The following JRK variants were observed in gnomAD, a reference collection of about 807,000 sequenced individuals.
The protein encoded by JRK is jerky protein homolog.
For synonymous variants in JRK, 303 were observed against 218.1 expected, an observed-to-expected ratio of 1.39 and a Z score of -3.43; for missense variants, 720 against 509.2, an observed-to-expected ratio of 1.41 and a Z score of -3.98.
intron 1 of JRK, among the ~76,000 whole-genome samples, chr8:142,667,089 G>A (rs987201638): frequency 6.6e-5 from 10 of 152,204 alleles, no homozygotes; most frequent in African/African-American, 2.2e-4. Flanking sequence ...GACACAGAGC[G>A]CCAAACTGCC....
chr8:142,669,212 TG>T lies in JRK; in HGVS notation c.-463+719del, dbSNP rs376799910. 3.1e-3 allele frequency among the ~76,000 whole-genome samples: 299 copies of T among 97,158 alleles called. 1 individual carries two copies. Among genetic ancestry groups the T allele is most frequent in the African/African-American group, 0.012 (289 of 24,066 alleles). The allele number at this position is 97,158 out of a possible 152,430, so 63.7% of individuals were successfully genotyped here. ...TGTGTGTGTGTGTGCGTGTGTGTGT[TG>T]GGGGGTATGGAGGATATGAAGGAGA... On this transcript the variant is annotated intron_variant, in intron 1 of 1. Coordinates refer to ENST00000612905, the MANE Select transcript of JRK (RefSeq NM_003724.4).
intron 1 of JRK, 85 bp from the exon 2 acceptor site, chr8:142,666,605 A>C: frequency 5.3e-6 from 1 of 189,896 alleles, no homozygotes; most frequent in South Asian, 1.1e-4. Flanking sequence ...TCACCGGGAC[A>C]CTCCAGCTGA....
At chr8:142,654,930 A>G (rs1380703844), downstream of JRK, among the ~76,000 whole-genome samples, 1 of 151,924 alleles carries the variant, frequency 6.6e-6, no homozygotes, top group Non-Finnish European at 1.5e-5. Context: ...TCAGCTGCGG[A>G]AGCTCCTTGC....
chr8:142,656,273 C>T (rs1846749619), downstream of JRK, among the ~76,000 whole-genome samples: 1 of 152,234 alleles, frequency 6.6e-6, no homozygotes, highest in Non-Finnish European at 1.5e-5. Flanking sequence ...ACCAGCTAGA[C>T]TATTTTAGTG....
the JRK span, among the ~76,000 whole-genome samples, chr8:142,649,971 G>A: frequency 1.3e-5 from 2 of 152,252 alleles, no homozygotes; most frequent in Non-Finnish European, 2.9e-5. Flanking sequence ...AAGCAGCCAG[G>A]AGGAAAGCTG....
At position 142,665,000 on chromosome 8, in the gene JRK, G is replaced by A. The variant is rs1554635465; in HGVS notation, c.1059C>T (p.Pro353=). 1 of 719,034 alleles carries A rather than the reference G, an allele frequency of 1.4e-6. No homozygotes were observed. The highest frequency in any genetic ancestry group is 2.6e-6 in the Non-Finnish European group (1 of 386,022). The allele number at this position is 719,034 out of a possible 1,614,324, so 44.5% of individuals were successfully genotyped here. Residue 353 remains proline, a synonymous_variant, in exon 2 of 2, where the codon CCC becomes CCT. Coordinates refer to ENST00000612905, the MANE Select transcript of JRK (RefSeq NM_003724.4). ...FINPPVPLQG[P]HARYNMNDAI... ...CATCGTTCATGTTGTAGCGGGCGTG[G>A]GGGCCCTGCAGGGGGACCGGAGGGT...
Position 142,658,842 on chromosome 8 carries a change from A to T in JRK, c.*5510T>A, listed in dbSNP as rs781784665. On this transcript the variant is annotated 3_prime_UTR_variant, in exon 2 of 2. Transcript: ENST00000612905. Reference sequence around the variant, plus strand: ...CTTACCCAGCACTGCCATGTGGCAGAAGTTCTCCAACATTATGTCTCTGTA... The same window carrying T: ...CTTACCCAGCACTGCCATGTGGCAGTAGTTCTCCAACATTATGTCTCTGTA... The T allele has an allele frequency of 1.7e-5, 27 of 1,611,314 alleles. No homozygotes were observed. Among genetic ancestry groups the T allele is most frequent in the Non-Finnish European group, 2.2e-5 (26 of 1,178,784 alleles).
the JRK span, among the ~76,000 whole-genome samples, chr8:142,649,744 T>A: frequency 6.6e-6 from 1 of 151,344 alleles, no homozygotes; most frequent in Non-Finnish European, 1.5e-5. Context: ...CAGGAAGAAG[T>A]TTGCTGCAGG....
At chr8:142,644,873 T>C in the JRK span, among the ~76,000 whole-genome samples, 2 of 152,228 alleles carry the variant, frequency 1.3e-5, no homozygotes, top group African/African-American at 4.8e-5. Context: ...TTTATAGCCT[T>C]AATTTATTAA....
Position 142,662,208 on chromosome 8 carries a change from G to A in JRK, c.*2144C>T, listed in dbSNP as rs587662159. 9.1e-6 allele frequency: 9 copies of A among 985,450 alleles called. No homozygotes were observed. The highest frequency in any genetic ancestry group is 3.5e-5 in the African/African-American group (2 of 57,242). The allele number at this position is 985,450 out of a possible 1,614,324, so 61.0% of individuals were successfully genotyped here. Reference sequence around the variant, plus strand: ...GTCAGCACAAGAGCAGATCAAGAACGGGAAGAGCTCAGGTCCTGAAGAGCT... The same window carrying A: ...GTCAGCACAAGAGCAGATCAAGAACAGGAAGAGCTCAGGTCCTGAAGAGCT... On this transcript the variant is annotated 3_prime_UTR_variant, in exon 2 of 2. Coordinates refer to ENST00000612905, the MANE Select transcript of JRK (RefSeq NM_003724.4).
Position 142,668,524 on chromosome 8 carries a change from T to C in JRK, c.-463+1408A>G, listed in dbSNP as rs1847202521. ...GGCCACAAACCACCCTCCAGATTTTTAATATGAACCCGCTGTAGAAAAACT... is the reference window on the plus strand; with the variant it reads ...GGCCACAAACCACCCTCCAGATTTTCAATATGAACCCGCTGTAGAAAAACT... On this transcript the variant is annotated intron_variant, in intron 1 of 1. Transcript: ENST00000612905. 3.3e-5 allele frequency among the ~76,000 whole-genome samples: 5 copies of C among 151,844 alleles called. No individual in the cohort carries two copies. In the South Asian group the frequency reaches 8.3e-4, roughly 25 times the overall value.
At position 142,658,982 on chromosome 8, in the gene JRK, T is replaced by G; in HGVS notation, c.*5370A>C. On this transcript the variant is annotated 3_prime_UTR_variant, in exon 2 of 2. Transcript: ENST00000612905. The stretch of plus-strand genomic sequence containing the variant: ...AACTTTGCTGCTTCATGGAGGAGCG[T>G]CAGTATGTCCACACCATAGGGGTGT... 6 of 1,600,542 alleles carry G rather than the reference T, an allele frequency of 3.7e-6. No individual in the cohort carries two copies. Among genetic ancestry groups the G allele is most frequent in the Non-Finnish European group, 5.1e-6 (6 of 1,173,260 alleles).
rs59300327 is a variant in JRK, at chr8:142,669,163, A to AGTGTGTGTGTGT, written c.-463+757_-463+768dup. 2.1e-3 allele frequency among the ~76,000 whole-genome samples: 281 copies of AGTGTGTGTGTGT among 136,200 alleles called. 5 individuals are homozygous for AGTGTGTGTGTGT. The East Asian group carries it at 0.039, about 19-fold the overall frequency. The allele number at this position is 136,200 out of a possible 152,430, so 89.4% of individuals were successfully genotyped here. A position where few individuals can be genotyped will look rare whatever the true frequency, so the allele number is the denominator to read the frequency against. ...CGGGAAACAACCTTCGCAGGGGCAT[A>AGTGTGTGTGTGT]GTGTGTGTGTGTGTGTGTGTGTGTG... On this transcript the variant is annotated intron_variant, in intron 1 of 1. Transcript: ENST00000612905.
At chr8:142,650,607 G>C in the JRK span, among the ~76,000 whole-genome samples, 1 of 152,150 alleles carries the variant, frequency 6.6e-6, no homozygotes, top group Admixed American at 6.5e-5. Context: ...AACTCTCTTT[G>C]CCTGCTGCCA....
At position 142,663,707 on chromosome 8, in the gene JRK, G is replaced by A. The variant is rs1227935404; in HGVS notation, c.*645C>T. 2 of 985,476 alleles carry A rather than the reference G, an allele frequency of 2.0e-6. No homozygotes were observed. The highest frequency in any genetic ancestry group is 2.3e-4 in the East Asian group (2 of 8,808). 61.0% of individuals were successfully genotyped at this position (985,476 alleles called of 1,614,324 possible). On this transcript the variant is annotated 3_prime_UTR_variant, in exon 2 of 2. Coordinates refer to ENST00000612905, the MANE Select transcript of JRK (RefSeq NM_003724.4). ...CAACATCTTGGGGCCAGAGCCCATG[G>A]GACAGGATCTGCGGGTAACAGAGGA...
At position 142,660,624 on chromosome 8, in the gene JRK, A is replaced by C; in HGVS notation, c.*3728T>G. On this transcript the variant is annotated 3_prime_UTR_variant, in exon 2 of 2. Transcript: ENST00000612905. ...CCTATGTTGCCCAGGCTGGTTTCAAACTCCTGAACTAAAGTGATCCTCCTG... is the reference window on the plus strand; with the variant it reads ...CCTATGTTGCCCAGGCTGGTTTCAACCTCCTGAACTAAAGTGATCCTCCTG... 1 of 909,522 alleles carries C rather than the reference A, an allele frequency of 1.1e-6. No homozygotes were observed. Among genetic ancestry groups the C allele is most frequent in the Non-Finnish European group, 1.3e-6 (1 of 762,138 alleles). 56.3% of individuals were successfully genotyped at this position (909,522 alleles called of 1,614,324 possible). A position where few individuals can be genotyped will look rare whatever the true frequency, so the allele number is the denominator to read the frequency against.
At position 142,663,708 on chromosome 8, in the gene JRK, G is replaced by A. The variant is rs1846989964; in HGVS notation, c.*644C>T. ...AACATCTTGGGGCCAGAGCCCATGG[G>A]ACAGGATCTGCGGGTAACAGAGGAT... On this transcript the variant is annotated 3_prime_UTR_variant, in exon 2 of 2. Transcript: ENST00000612905. 1 of 985,504 alleles carries A rather than the reference G, an allele frequency of 1.0e-6. No individual in the cohort carries two copies. Among genetic ancestry groups the A allele is most frequent in the Non-Finnish European group, 1.2e-6 (1 of 829,964 alleles). The allele number at this position is 985,504 out of a possible 1,614,324, so 61.0% of individuals were successfully genotyped here. A position where few individuals can be genotyped will look rare whatever the true frequency, so the allele number is the denominator to read the frequency against.
chr8:142,667,293 G>A (rs1847156139), intron 1 of JRK, among the ~76,000 whole-genome samples: 1 of 152,150 alleles, frequency 6.6e-6, no homozygotes, highest in Non-Finnish European at 1.5e-5. Context: ...GACCCCTCAA[G>A]CTCAGCTCAG....
chr8:142,655,650 C>T (rs1225358416), downstream of JRK, among the ~76,000 whole-genome samples: 1 of 152,200 alleles, frequency 6.6e-6, no homozygotes, highest in African/African-American at 2.4e-5. Context: ...TGAGCCTCAA[C>T]TGCTCATCTG....
Sources: allele counts gnomAD v4.1 joint callset (sites outside exome capture counted in the v4.1 genomes callset), GRCh38; gene constraint gnomAD v4.1.1; transcripts MANE v1.5; gene names NCBI Gene and HGNC (gene_info 2026-07-23, HGNC 2026-07-21).